The following ADAMTS14 variants were observed in gnomAD, a reference collection of about 807,000 sequenced individuals.
ADAMTS14 encodes A disintegrin and metalloproteinase with thrombospondin motifs 14.
In ADAMTS14, 100 loss-of-function variants were observed where a neutral mutation model predicts 128.6. That is an observed-to-expected ratio of 0.78 (90% CI 0.66 to 0.92). ADAMTS14 has a LOEUF of 0.92. Ranked by LOEUF, ADAMTS14 falls within the 40% of genes least tolerant of loss-of-function variation. The pLI is 0.00. For synonymous variants in ADAMTS14, 665 were observed against 653.8 expected (o/e 1.02, Z -0.26); for missense variants, 1,562 against 1,658.6 (o/e 0.94, Z 1.01).
chr10:70,713,332 TGGGTG>T (rs1175355038), intron 4 of ADAMTS14, among the ~76,000 whole-genome samples: 2 of 57,666 alleles, frequency 3.5e-5, no homozygotes, highest in African/African-American at 6.8e-5. Context: ...GATGAGGTAT[TGGGTG>T]GGGTGGGGTG....
At position 70,708,749 on chromosome 10, in the gene ADAMTS14, C is replaced by T. The variant is rs376608090; in HGVS notation, c.841C>T (p.Gln281Ter). The T allele has an allele frequency of 2.6e-6, 4 of 1,545,148 alleles. No homozygotes were observed. The highest frequency in any genetic ancestry group is 2.6e-6 in the Non-Finnish European group (3 of 1,136,626). The change falls in exon 4 of 22, where the codon CAG (glutamine) becomes TAG (stop). Residue 281 changes from glutamine to a stop codon, truncating the protein, a stop_gained. Coordinates refer to ENST00000373207, the MANE Select transcript of ADAMTS14 (RefSeq NM_080722.4). LOFTEE classifies it high-confidence loss of function. ...TCGCTTCCATGGCAAGGAGCATGTG[C>T]AGAACTATGTCCTCACCCTCATGAA... ...VVRFHGKEHV[Q>*]NYVLTLMNIV... is the part of the protein sequence containing the mutation.
At chr10:70,682,360 C>A (rs1839836654) in intron 2 of ADAMTS14, among the ~76,000 whole-genome samples, 1 of 152,138 alleles carries the variant, frequency 6.6e-6, no homozygotes, top group African/African-American at 2.4e-5. Context: ...ATTCTTAAGC[C>A]ATTGTATGAA....
rs563968100 is a variant in ADAMTS14, at chr10:70,720,384, A to G, written c.871-8910A>G. Among the ~76,000 whole-genome samples the G allele has an allele frequency of 1.4e-4, 21 of 152,294 alleles. No homozygotes were observed. In the East Asian group the frequency reaches 3.9e-3, roughly 28 times the overall value. On this transcript the variant is annotated intron_variant, in intron 4 of 21. Transcript: ENST00000373207. ...CATCCTCCAAGACCTTAAACACCTC[A>G]CTAGTGACCTCGGAGGCAGGGCCTA...
At chr10:70,715,989 C>G (rs952085298) in intron 4 of ADAMTS14, among the ~76,000 whole-genome samples, 5 of 152,228 alleles carry the variant, frequency 3.3e-5, no homozygotes, top group Non-Finnish European at 7.3e-5. Context: ...TTCTAACCTT[C>G]TTGGCCAAAT....
chr10:70,682,531 TG>T (rs1381671686), intron 2 of ADAMTS14, among the ~76,000 whole-genome samples: 7 of 152,118 alleles, frequency 4.6e-5, no homozygotes, highest in Non-Finnish European at 1.0e-4. Context: ...CACCTCTGTG[TG>T]GTTCGGTTTT....
intron 15 of ADAMTS14, among the ~76,000 whole-genome samples, chr10:70,749,608 A>AGTGTGTGT (rs72483126): frequency 0.16 from 23,123 of 147,672 alleles, 1,917 homozygotes; most frequent in Non-Finnish European, 0.19. Flanking sequence ...AGGCAGCAAG[A>AGTGTGTGT]GTGTGTGTGT....
chr10:70,696,394 G>A (rs1158606113), intron 2 of ADAMTS14, among the ~76,000 whole-genome samples: 2 of 151,888 alleles, frequency 1.3e-5, no homozygotes, highest in Non-Finnish European at 2.9e-5. Flanking sequence ...TGGGAGAGCT[G>A]GGACACAGAC....
intron 6 of ADAMTS14, among the ~76,000 whole-genome samples, chr10:70,731,382 C>T (rs1374249103): frequency 1.3e-5 from 2 of 152,204 alleles, no homozygotes; most frequent in Non-Finnish European, 2.9e-5. Context: ...TCTTGCTATA[C>T]TCCCCAAACC....
Position 70,708,610 on chromosome 10 carries a change from C to G in ADAMTS14, c.702C>G (p.Pro234=). The change falls in exon 4 of 22, where the codon CCC becomes CCG. Residue 234 remains proline, a synonymous_variant. Coordinates refer to ENST00000373207, the MANE Select transcript of ADAMTS14 (RefSeq NM_080722.4). The part of the protein sequence containing the change: ...HNEAFGLGDL[P]NLLGLVGDQL... ...CAGCCTTTGGCCTGGGAGACCTTCC[C>G]AACCTGCTGGGCCTGGTGGGGGACC... is the stretch of plus-strand genomic sequence containing the variant. 6.2e-7 allele frequency: 1 copy of G among 1,607,644 alleles called. No homozygotes were observed. Among genetic ancestry groups the G allele is most frequent in the Non-Finnish European group, 8.5e-7 (1 of 1,174,890 alleles).
chr10:70,692,719 G>A (rs183235191), intron 2 of ADAMTS14, among the ~76,000 whole-genome samples: 72 of 152,288 alleles, frequency 4.7e-4, no homozygotes, highest in Non-Finnish European at 1.3e-4. Context: ...TAACAGCTGC[G>A]TATGTTTCTG....
rs998533771 is a variant in ADAMTS14 at position 70,760,544 on chromosome 10, A to T, written c.3363A>T (p.Leu1121Phe). The change falls in exon 22 of 22, where the codon TTA becomes TTT. Residue 1121 changes from leucine to phenylalanine, a missense_variant. Transcript: ENST00000373207. ...CCTTCTCCACTCCTGGAAGCCCCTT[A>T]CCAGGACCCCAGGACCCTGCAGATG... is the stretch of plus-strand genomic sequence containing the variant. ...LPPFSTPGSP[L>F]PGPQDPADAA... 3 of 1,613,170 alleles carry T rather than the reference A, an allele frequency of 1.9e-6. No homozygotes were observed. The African/African-American group carries it at 4.0e-5, about 22-fold the overall frequency.
chr10:70,754,918 T>C (rs1250526429), intron 19 of ADAMTS14, among the ~76,000 whole-genome samples: 1 of 152,166 alleles, frequency 6.6e-6, no homozygotes, highest in East Asian at 1.9e-4. Flanking sequence ...GGAAACTGCC[T>C]TGACGAAATT....
At chr10:70,696,321 G>A (rs1840331595) in intron 2 of ADAMTS14, among the ~76,000 whole-genome samples, 1 of 151,798 alleles carries the variant, frequency 6.6e-6, no homozygotes, top group African/African-American at 2.4e-5. Context: ...GTGCGCAGCA[G>A]GGTGGTGGGA....
At chr10:70,744,638 A>AC (rs1842119222) in intron 14 of ADAMTS14, among the ~76,000 whole-genome samples, 1 of 151,228 alleles carries the variant, frequency 6.6e-6, no homozygotes, top group African/African-American at 2.4e-5. Context: ...TTTCCTCTCT[A>AC]CCTCCAATCT....
At chr10:70,675,043 C>T (rs755746039) in intron 2 of ADAMTS14, 48 bp downstream of exon 2, 7 of 1,585,708 alleles carry the variant, frequency 4.4e-6, no homozygotes, top group Admixed American at 1.7e-5. Context: ...CTCCCATGCC[C>T]TGCTCACATG....
At chr10:70,689,190 C>G (rs1404240267) in intron 2 of ADAMTS14, among the ~76,000 whole-genome samples, 1 of 144,154 alleles carries the variant, frequency 6.9e-6, no homozygotes, top group Non-Finnish European at 1.6e-5. Context: ...ATGCCGTCCC[C>G]TAATCCACGG....
chr10:70,696,846 G>A (rs1174522664), intron 2 of ADAMTS14, among the ~76,000 whole-genome samples: 2 of 152,324 alleles, frequency 1.3e-5, no homozygotes, highest in African/African-American at 2.4e-5. Flanking sequence ...TGGGAACAGT[G>A]CATGCAGATG....
chr10:70,698,833 G>A (rs892222301), intron 2 of ADAMTS14, among the ~76,000 whole-genome samples: 6 of 152,196 alleles, frequency 3.9e-5, no homozygotes, highest in Non-Finnish European at 8.8e-5. Flanking sequence ...GCCTAAGAGT[G>A]TGGAGGCTGG....
At chr10:70,705,030 C>T (rs960841311) in intron 3 of ADAMTS14, among the ~76,000 whole-genome samples, 1 of 152,182 alleles carries the variant, frequency 6.6e-6, no homozygotes, top group Non-Finnish European at 1.5e-5. Flanking sequence ...CACACTCGCA[C>T]ACTCTCAAAC....
Sources: allele counts gnomAD v4.1 joint callset (sites outside exome capture counted in the v4.1 genomes callset), GRCh38; gene constraint gnomAD v4.1.1; transcripts MANE v1.5; gene names NCBI Gene and HGNC (gene_info 2026-07-23, HGNC 2026-07-21).